USP10: variants seen among roughly 807,000 people sequenced by gnomAD.
The protein encoded by USP10 is ubiquitin specific peptidase 10, also known as ubiquitin carboxyl-terminal hydrolase 10.
In USP10, 22 loss-of-function variants were observed where a neutral mutation model predicts 84.5. The observed-to-expected ratio is 0.26, with a 90% confidence interval of 0.19 to 0.37. The LOEUF is 0.37. USP10 is among the 10% of genes least tolerant of loss of function. The pLI, the probability that USP10 is intolerant of heterozygous loss-of-function variation, is 1.00. For synonymous variants in USP10, 454 were observed against 387.6 expected (o/e 1.17, Z -2.01); for missense variants, 1,019 against 998.9 (o/e 1.02, Z -0.27).
chr16:84,736,707 T>G (rs1390972853), intron 2 of USP10, among the ~76,000 whole-genome samples: 2 of 152,130 alleles, frequency 1.3e-5, no homozygotes, highest in Non-Finnish European at 1.5e-5. Flanking sequence ...CCCGATGACA[T>G]AGTGTTGGCA....
At chr16:84,708,409 C>G (rs1597267408) in intron 1 of USP10, among the ~76,000 whole-genome samples, 1 of 152,170 alleles carries the variant, frequency 6.6e-6, no homozygotes, top group African/African-American at 2.4e-5. Flanking sequence ...CAAGATCACG[C>G]CACTTCACTC....
intron 8 of USP10, among the ~76,000 whole-genome samples, 166 bp from the exon 9 acceptor site, chr16:84,762,823 G>T (rs939254096): frequency 6.6e-6 from 1 of 152,250 alleles, no homozygotes; most frequent in Non-Finnish European, 1.5e-5. Flanking sequence ...CTACTCTTGG[G>T]ATTTCAGCTA....
rs1597389546 is a variant in USP10, at chr16:84,764,406, A to G, written c.1832+143A>G. On this transcript the variant is annotated intron_variant, in intron 10 of 13. Coordinates refer to ENST00000219473, the MANE Select transcript of USP10 (RefSeq NM_005153.3). ...GCTCCCCTGCCTGCTCTTCTCTTGC[A>G]CTTCCTGATGCTTCCCTTGTCAGCC... 8.8e-6 allele frequency: 10 copies of G among 1,130,674 alleles called. 1 individual carries two copies. The highest frequency in any genetic ancestry group is 4.0e-4 in the Middle Eastern group (2 of 5,054). 70.0% of individuals were successfully genotyped at this position (1,130,674 alleles called of 1,614,324 possible).
chr16:84,758,830 G>C, intron 5 of USP10, 23 bp downstream of exon 5: 2 of 1,555,026 alleles, frequency 1.3e-6, no homozygotes, highest in Non-Finnish European at 1.8e-6. Flanking sequence ...GACGCCGTCC[G>C]CAAGGCCAGC....
rs1907427787 is a variant in USP10 at position 84,718,992 on chromosome 16, A to G, written c.22-14443A>G. Among the ~76,000 whole-genome samples, 4 of 151,972 alleles carry G rather than the reference A, an allele frequency of 2.6e-5. No individual in the cohort carries two copies. The South Asian group carries it at 8.3e-4, about 32-fold the overall frequency. On this transcript the variant is annotated intron_variant, in intron 1 of 13. Transcript: ENST00000219473. ...ATTTTAGTAGAGACAGGGTTTCACTATGTAGGTCAAGCTGGTCTCGAACTC... is the reference window on the plus strand; with the variant it reads ...ATTTTAGTAGAGACAGGGTTTCACTGTGTAGGTCAAGCTGGTCTCGAACTC...
At chr16:84,754,894 A>G (rs1185769462) in intron 4 of USP10, among the ~76,000 whole-genome samples, 1 of 152,000 alleles carries the variant, frequency 6.6e-6, no homozygotes, top group East Asian at 1.9e-4. Context: ...TAATCCCAGC[A>G]CTTTGGGAAT....
chr16:84,766,383 C>T (rs1396533234), intron 10 of USP10, among the ~76,000 whole-genome samples: 1 of 152,224 alleles, frequency 6.6e-6, no homozygotes, highest in Non-Finnish European at 1.5e-5. Context: ...AACACCCAGC[C>T]CTGACCACTG....
At chr16:84,776,849 G>C (rs1442362243) in intron 13 of USP10, among the ~76,000 whole-genome samples, 1 of 152,194 alleles carries the variant, frequency 6.6e-6, no homozygotes, top group East Asian at 1.9e-4. Flanking sequence ...GTTTTGCTCT[G>C]TCGCCCAGGC....
Position 84,744,989 on chromosome 16 carries a change from A to G in USP10, c.508A>G (p.Ser170Gly), listed in dbSNP as rs1343087484. The part of the protein sequence containing the change: ...YSYLKDGGDD[S>G]ISTEALVNGH... Reference sequence around the variant, plus strand: ...CTATTTGAAAGATGGTGGCGATGATAGTATCTCCACAGAAGCCCTGGTCAA... The same window carrying G: ...CTATTTGAAAGATGGTGGCGATGATGGTATCTCCACAGAAGCCCTGGTCAA... Residue 170 changes from serine (S) to glycine (G), a missense_variant, in exon 4 of 14, where the codon AGT becomes GGT. By Grantham distance (56) the Ser-to-Gly change is moderately conservative. Coordinates refer to ENST00000219473, the MANE Select transcript of USP10 (RefSeq NM_005153.3). The G allele has an allele frequency of 1.2e-6, 2 of 1,613,728 alleles. No individual in the cohort carries two copies. Among genetic ancestry groups the G allele is most frequent in the African/African-American group, 1.3e-5 (1 of 74,940 alleles).
chr16:84,715,210 G>A (rs1292845371), intron 1 of USP10, among the ~76,000 whole-genome samples: 2 of 151,986 alleles, frequency 1.3e-5, no homozygotes, highest in African/African-American at 2.4e-5. Context: ...GATTACAGGC[G>A]TGAGGCACCA....
intron 4 of USP10, among the ~76,000 whole-genome samples, chr16:84,749,267 G>C (rs1009202446): frequency 4.6e-5 from 7 of 152,088 alleles, no homozygotes; most frequent in Non-Finnish European, 4.4e-5. Flanking sequence ...CCCTTTAGTG[G>C]GCACACTTTT....
At chr16:84,765,351 T>C (rs900053942) in intron 10 of USP10, among the ~76,000 whole-genome samples, 6 of 152,228 alleles carry the variant, frequency 3.9e-5, no homozygotes, top group African/African-American at 1.4e-4. Context: ...TCTTGTCCGA[T>C]GTTCCACATC....
chr16:84,704,622 G>A (rs1905248981), intron 1 of USP10: 2 of 1,268,530 alleles, frequency 1.6e-6, no homozygotes, highest in Admixed American at 2.9e-5. Flanking sequence ...AGCCCTTGGG[G>A]TATGTGTATA....
At chr16:84,716,628 T>G (rs1336857374) in intron 1 of USP10, 1 of 152,178 alleles carries the variant, frequency 6.6e-6, no homozygotes, top group Non-Finnish European at 1.5e-5. Flanking sequence ...CAAGTAGGAC[T>G]TCTTCAGAGC....
intron 1 of USP10, among the ~76,000 whole-genome samples, chr16:84,707,695 G>A (rs1905715870): frequency 6.6e-6 from 1 of 152,180 alleles, no homozygotes; most frequent in Admixed American, 6.5e-5. Flanking sequence ...AGATTGAAGT[G>A]ACTTATCAGG....
intron 1 of USP10, among the ~76,000 whole-genome samples, chr16:84,704,376 C>G (rs570404972): frequency 6.6e-6 from 1 of 152,214 alleles, no homozygotes; most frequent in Non-Finnish European, 1.5e-5. Context: ...GCAAGAATCA[C>G]CATCGCACAA....
Position 84,718,252 on chromosome 16 carries a change from G to A in USP10, c.22-15183G>A, listed in dbSNP as rs11861011. On this transcript the variant is annotated intron_variant, in intron 1 of 13. Transcript: ENST00000219473. ...AGAAGACATTTCTGAAGAGTTGCTT[G>A]TGAGTTCATTTATTTTATTGAGACA... 7.1e-3 allele frequency among the ~76,000 whole-genome samples: 1,082 copies of A among 152,264 alleles called. 7 individuals carry two copies. Among genetic ancestry groups the A allele is most frequent in the African/African-American group, 0.024 (1,003 of 41,554 alleles).
chr16:84,713,461 AC>A (rs1174820039), intron 1 of USP10, among the ~76,000 whole-genome samples: 4 of 151,038 alleles, frequency 2.6e-5, no homozygotes, highest in African/African-American at 9.8e-5. Context: ...TACCCTACAT[AC>A]CCGCTATCCT....
chr16:84,731,628 C>CT, intron 1 of USP10, among the ~76,000 whole-genome samples: 1 of 152,088 alleles, frequency 6.6e-6, no homozygotes, highest in Admixed American at 6.5e-5. Context: ...GAACAAAATC[C>CT]TTTTTTCTCG....
Sources: allele counts gnomAD v4.1 joint callset (sites outside exome capture counted in the v4.1 genomes callset), GRCh38; gene constraint gnomAD v4.1.1; transcripts MANE v1.5; gene names NCBI Gene and HGNC (gene_info 2026-07-23, HGNC 2026-07-21).